Variants in SLC12A5 observed in about 807,000 individuals in gnomAD.
SLC12A5 encodes the protein K-Cl cotransporter 2.
SLC12A5 carries 18 observed loss-of-function variants against 124.0 expected under a neutral mutation model. The ratio of observed to expected loss-of-function variants is 0.15; its 90% CI spans 0.10 to 0.22. The LOEUF is 0.22. Among genes scored for constraint, SLC12A5 ranks in the 10% least tolerant of loss-of-function variants. The pLI is 1.00. For synonymous variants in SLC12A5, 589 were observed against 568.0 expected, an observed-to-expected ratio of 1.04 and a Z score of -0.53; for missense variants, 867 against 1,478.7, an observed-to-expected ratio of 0.59 and a Z score of 6.78.
Position 46,053,700 on chromosome 20 carries a change from G to A in SLC12A5, c.2670G>A (p.Val890=). The change falls in exon 20 of 26, where the codon GTG becomes GTA. Residue 890 remains valine, a synonymous_variant. Coordinates refer to ENST00000243964, the MANE Select transcript of SLC12A5 (RefSeq NM_020708.5). This position sits in a 1 kb window ranked among gnomAD's most constrained non-coding sequence, Gnocchi z 4.7. ...YHLRITAEVE[V]VEMHESDISA... ...TACGCATCACTGCGGAGGTCGAGGT[G>A]GTGGAGATGGTGAGTCCCCAGGAGA... 6.3e-7 allele frequency: 1 copy of A among 1,590,362 alleles called. No homozygotes were observed. The highest frequency in any genetic ancestry group is 8.6e-7 in the Non-Finnish European group (1 of 1,164,962).
intron 17 of SLC12A5, 131 bp downstream of exon 17, chr20:46,049,921 T>C: frequency 8.5e-7 from 1 of 1,182,992 alleles, no homozygotes; most frequent in East Asian, 2.6e-5. Context: ...TTCTTTTCCT[T>C]AGAGGAAGAG....
chr20:46,051,739 A>C lies in SLC12A5; in HGVS notation c.2246A>C (p.Asn749Thr). The C allele has an allele frequency of 2.5e-6, 4 of 1,611,346 alleles. No individual in the cohort carries two copies. The highest frequency in any genetic ancestry group is 3.4e-6 in the Non-Finnish European group (4 of 1,178,650). Residue 749 changes from asparagine to threonine, a missense_variant, in exon 18 of 26, where the codon AAC becomes ACC. This residue lies in a region of SLC12A5 where 110 missense variants were observed against 149.9 expected (regional missense o/e 0.73). Transcript: ENST00000243964. ...TTCTGCCAGGTGGTGATCTCCTCCA[A>C]CTTGCGTGATGGCGTGTCCCATCTG... ...KGFCQVVISS[N>T]LRDGVSHLIQ... is the part of the protein sequence containing the mutation.
Position 46,057,527 on chromosome 20 carries a change from C to G in SLC12A5, c.3273C>G (p.Leu1091=). The G allele has an allele frequency of 5.6e-6, 9 of 1,614,154 alleles. No individual in the cohort carries two copies. Among genetic ancestry groups the G allele is most frequent in the Non-Finnish European group, 5.9e-6 (7 of 1,180,010 alleles). ...ACCGGCTCTCAGACATGGAGTTTCT[C>G]GAGGTCCTCACAGAGCACCTGGACC... is the stretch of plus-strand genomic sequence containing the variant. ...RNGDENYMEF[L]EVLTEHLDRV... is the part of the protein sequence containing the mutation. The change falls in exon 26 of 26, where the codon CTC becomes CTG. Residue 1091 remains leucine, a synonymous_variant. Coordinates refer to ENST00000243964, the MANE Select transcript of SLC12A5 (RefSeq NM_020708.5). The surrounding 1 kb of genome is among the most constrained non-coding windows in gnomAD (Gnocchi z 7.1).
At chr20:46,032,413 C>T (rs1384571515) in intron 1 of SLC12A5, among the ~76,000 whole-genome samples, 10 of 152,208 alleles carry the variant, frequency 6.6e-5, no homozygotes, top group Admixed American at 6.5e-4. Context: ...CCATAGGAGA[C>T]AGGACCCCAA....
At chr20:46,040,338 C>T in intron 6 of SLC12A5, 35 bp from the exon 7 acceptor site, 1 of 1,609,964 alleles carries the variant, frequency 6.2e-7, no homozygotes, top group South Asian at 1.1e-5. Context: ...GGGCTGCTGA[C>T]TTAGGTATCT....
rs367601909 is a variant in SLC12A5 at position 46,041,425 on chromosome 20, A to G, written c.951A>G (p.Leu317=). ...WEGNETVTTR[L]WGLFCSSRFL... The stretch of plus-strand genomic sequence containing the variant: ...GAAATGAGACGGTGACCACACGGCT[A>G]TGGGGCCTTTTCTGCTCCTCTCGCT... The change falls in exon 8 of 26, where the codon CTA becomes CTG. Residue 317 remains leucine (L), a synonymous_variant. Transcript: ENST00000243964. 5.6e-6 allele frequency: 9 copies of G among 1,613,988 alleles called. No homozygotes were observed. The highest frequency in any genetic ancestry group is 1.1e-5 in the South Asian group (1 of 91,086).
At chr20:46,035,984 G>A in intron 4 of SLC12A5, 61 bp downstream of exon 4, 1 of 1,536,206 alleles carries the variant, frequency 6.5e-7, no homozygotes, top group Non-Finnish European at 8.8e-7. Context: ...AGGCCTGGGG[G>A]TGGGAGGTGG....
chr20:46,051,574 G>A (rs1260603658), intron 17 of SLC12A5, 101 bp from the exon 18 acceptor site: 4 of 1,117,026 alleles, frequency 3.6e-6, no homozygotes, highest in East Asian at 5.1e-5. Flanking sequence ...AGGAAGATTG[G>A]GATGAAAGGA....
rs201799748 is a variant in SLC12A5 at position 46,056,529 on chromosome 20, C to T, written c.3075C>T (p.Ser1025=). 3 of 1,614,162 alleles carry T rather than the reference C, an allele frequency of 1.9e-6. No individual in the cohort carries two copies. The highest frequency in any genetic ancestry group is 1.3e-5 in the African/African-American group (1 of 75,056). Residue 1025 remains serine (S), a synonymous_variant, in exon 23 of 26, where the codon TCC becomes TCT. Transcript: ENST00000243964. The surrounding 1 kb of genome is among the most constrained non-coding windows in gnomAD (Gnocchi z 4.3). ...AGAATAAGGGCCCCAGTCCTGTCTC[C>T]TCTGAGGGCATCAAGGACTTCTTCA... ...AEKNKGPSPV[S]SEGIKDFFSM... is the part of the protein sequence containing the mutation.
At chr20:46,048,546 G>A (rs1440063352) in intron 16 of SLC12A5, among the ~76,000 whole-genome samples, 1 of 152,104 alleles carries the variant, frequency 6.6e-6, no homozygotes, top group African/African-American at 2.4e-5. Context: ...GGCATCTCTA[G>A]ATTAATGACA....
rs2084702090 is a variant in SLC12A5, at chr20:46,057,034, G to A, written c.3125+123G>A. ...TGGGATCTCTGAATAGCCTAGCCTG[G>A]AGATGTTTAGGATTGGTGGTCCTAG... On this transcript the variant is annotated intron_variant, in intron 24 of 25. Transcript: ENST00000243964. This position sits in a 1 kb window ranked among gnomAD's most constrained non-coding sequence, Gnocchi z 7.1. 3.8e-6 allele frequency: 6 copies of A among 1,589,128 alleles called. No homozygotes were observed. The South Asian group carries it at 6.6e-5, about 18-fold the overall frequency.
downstream of SLC12A5, among the ~76,000 whole-genome samples, chr20:46,023,917 G>C (rs1424000611): frequency 1.3e-5 from 2 of 152,076 alleles, no homozygotes; most frequent in Non-Finnish European, 2.9e-5. Flanking sequence ...GGTGGCTGTG[G>C]GATCCTGCTT....
intron 1 of SLC12A5, among the ~76,000 whole-genome samples, chr20:46,022,251 C>T (rs2145464534): frequency 6.6e-6 from 1 of 150,870 alleles, no homozygotes; most frequent in South Asian, 2.1e-4. Flanking sequence ...GGGAGCGGGA[C>T]CAGAGTGAGG....
chr20:46,022,286 CTG>C (rs950904408), intron 1 of SLC12A5, among the ~76,000 whole-genome samples: 6 of 150,496 alleles, frequency 4.0e-5, no homozygotes, highest in African/African-American at 1.5e-4. Flanking sequence ...AAAAAGGGGG[CTG>C]TGTGTTGAAG....
intron 16 of SLC12A5, 35 bp from the exon 17 acceptor site, chr20:46,049,587 G>A: frequency 1.1e-5 from 18 of 1,576,418 alleles, no homozygotes; most frequent in East Asian, 2.3e-5. Flanking sequence ...TTGGTTACAT[G>A]GTATATGGAT....
rs1568856017 is a variant in SLC12A5, at chr20:46,029,891, CGCGCGCGTGCGTATGTGTGTGTGTGCGT to C, written c.52+497_52+524del. 4.7e-3 allele frequency among the ~76,000 whole-genome samples: 200 copies of C among 42,428 alleles called. 2 individuals carry two copies. Among genetic ancestry groups the C allele is most frequent in the Non-Finnish European group, 7.5e-3 (163 of 21,832 alleles). 27.8% of individuals were successfully genotyped at this position (42,428 alleles called of 152,430 possible). On this transcript the variant is annotated intron_variant, in intron 1 of 25. Coordinates refer to ENST00000243964, the MANE Select transcript of SLC12A5 (RefSeq NM_020708.5). ...GTGTGTGTGTGTGTGTGTGTGTGTG[CGCGCGCGTGCGTATGTGTGTGTGTGCGT>C]GTGTGTGTGTGTGTGTGTGTGTAGG...
intron 1 of SLC12A5, among the ~76,000 whole-genome samples, chr20:46,033,748 C>T (rs1459725536): frequency 6.6e-6 from 1 of 152,192 alleles, no homozygotes; most frequent in Non-Finnish European, 1.5e-5. Flanking sequence ...AAACCGCAGA[C>T]ATTATCCTAG....
chr20:46,036,752 G>A lies in SLC12A5; in HGVS notation c.438G>A (p.Thr146=), dbSNP rs1345353699. 4.1e-5 allele frequency: 66 copies of A among 1,613,712 alleles called. No homozygotes were observed. Among genetic ancestry groups the A allele is most frequent in the African/African-American group, 5.3e-5 (4 of 74,890 alleles). The change falls in exon 5 of 26, where the codon ACG becomes ACA. Residue 146 remains threonine (T), a synonymous_variant. Transcript: ENST00000243964. ...CTCTTTCCTCACAGACGATGCTCACGGCCATCTCCATGAGTGCAATTGCAA... is the reference window on the plus strand; with the variant it reads ...CTCTTTCCTCACAGACGATGCTCACAGCCATCTCCATGAGTGCAATTGCAA... The part of the protein sequence containing the change: ...VFICCSCTML[T]AISMSAIATN...
intron 13 of SLC12A5, 26 bp downstream of exon 13, chr20:46,046,022 C>G: frequency 6.3e-7 from 1 of 1,598,310 alleles, no homozygotes; most frequent in Middle Eastern, 1.7e-4. Flanking sequence ...CTTGCCCTCC[C>G]CCCTGGTTCA....
Sources: allele counts gnomAD v4.1 joint callset (sites outside exome capture counted in the v4.1 genomes callset), GRCh38; gene constraint gnomAD v4.1.1; regional missense constraint gnomAD v4.1.1; non-coding constraint Gnocchi (gnomAD v3.1); transcripts MANE v1.5; gene names NCBI Gene and HGNC (gene_info 2026-07-23, HGNC 2026-07-21).